GALNT17: variants seen among roughly 807,000 people sequenced by gnomAD.
GALNT17 encodes UDP-GalNAc:polypeptide N-acetylgalactosaminyltransferase-like 3.
GALNT17 carries 29 observed loss-of-function variants against 63.7 expected under a neutral mutation model. The ratio of observed to expected loss-of-function variants is 0.46; its 90% CI spans 0.34 to 0.62. The LOEUF is 0.62. GALNT17 is among the 20% of genes least tolerant of loss of function. The pLI, the probability that GALNT17 is intolerant of heterozygous loss-of-function variation, is 0.01. For missense variants in GALNT17, 603 were observed against 799.6 expected, an observed-to-expected ratio of 0.75 and a Z score of 2.97; for synonymous variants, 305 against 318.3, an observed-to-expected ratio of 0.96 and a Z score of 0.45.
intron 5 of GALNT17, among the ~76,000 whole-genome samples, chr7:71,477,368 C>T (rs1178158656): frequency 6.6e-6 from 1 of 152,154 alleles, no homozygotes; most frequent in Non-Finnish European, 1.5e-5. Flanking sequence ...TCACCGTTAG[C>T]TGTGAGAGTG....
chr7:71,174,883 C>T (rs936711229), intron 1 of GALNT17, among the ~76,000 whole-genome samples: 2 of 152,118 alleles, frequency 1.3e-5, no homozygotes, highest in African/African-American at 4.8e-5. Context: ...GACATTGTGT[C>T]TTGCTTAGGA....
At chr7:71,496,522 CA>C (rs1788096393) in intron 5 of GALNT17, among the ~76,000 whole-genome samples, 1 of 152,180 alleles carries the variant, frequency 6.6e-6, no homozygotes, top group Admixed American at 6.5e-5. Context: ...AGACATCGTC[CA>C]GTGACATAGA....
chr7:71,228,565 A>G (rs1789724067), intron 1 of GALNT17, among the ~76,000 whole-genome samples: 1 of 152,230 alleles, frequency 6.6e-6, no homozygotes, highest in Non-Finnish European at 1.5e-5. Context: ...CAGAGGCTCT[A>G]GAAGAGAATC....
intron 1 of GALNT17, 43 bp downstream of exon 1, chr7:71,133,083 G>C: frequency 6.8e-7 from 1 of 1,466,846 alleles, no homozygotes; most frequent in Non-Finnish European, 9.0e-7. Flanking sequence ...ACGCGGGCGG[G>C]CCGGGCACAG....
intron 5 of GALNT17, among the ~76,000 whole-genome samples, chr7:71,506,696 T>C (rs185147144): frequency 2.4e-4 from 37 of 152,352 alleles, no homozygotes; most frequent in Admixed American, 9.8e-4. Context: ...GTAGTTAGCG[T>C]GTCTATCATC....
intron 5 of GALNT17, among the ~76,000 whole-genome samples, chr7:71,476,223 G>A (rs768437185): frequency 6.6e-6 from 1 of 152,216 alleles, no homozygotes. Context: ...AGAGGTTGGT[G>A]TTTTCACTGT....
intron 6 of GALNT17, among the ~76,000 whole-genome samples, chr7:71,649,179 C>T (rs1790721215): frequency 6.6e-6 from 1 of 152,186 alleles, no homozygotes; most frequent in Non-Finnish European, 1.5e-5. Flanking sequence ...TCAAGCTCTG[C>T]CGACAGTTGA....
In GALNT17 at chr7:71,421,795, A is replaced by T. The variant is rs896697655; in HGVS notation, c.962+690A>T. 8.5e-5 allele frequency among the ~76,000 whole-genome samples: 13 copies of T among 152,210 alleles called. No homozygotes were observed. The East Asian group carries it at 2.3e-3, about 27-fold the overall frequency. ...CGAAACCCCTTCTCTACTAAAATTT[A>T]AAAAATTAGATGGGCGTGGTGGCAG... On this transcript the variant is annotated intron_variant, in intron 5 of 10. Coordinates refer to ENST00000333538, the MANE Select transcript of GALNT17 (RefSeq NM_022479.3).
In GALNT17 at chr7:71,148,884, A is replaced by ATG. The variant is rs1242188439; in HGVS notation, c.238+15845_238+15846insGT. ...TTTATATATATATATATATATATAT[A>ATG]TATATATATGTATACCATAGTTAAC... On this transcript the variant is annotated intron_variant, in intron 1 of 10. Coordinates refer to ENST00000333538, the MANE Select transcript of GALNT17 (RefSeq NM_022479.3). 4.0e-4 allele frequency among the ~76,000 whole-genome samples: 57 copies of ATG among 143,616 alleles called. 2 individuals carry two copies. The South Asian group carries it at 0.011, about 29-fold the overall frequency. 94.2% of individuals were successfully genotyped at this position (143,616 alleles called of 152,430 possible).
intron 6 of GALNT17, among the ~76,000 whole-genome samples, chr7:71,612,326 A>G (rs1790137502): frequency 1.3e-5 from 2 of 152,194 alleles, no homozygotes. Context: ...CCCCATCTGA[A>G]GAATTGGGCA....
intron 5 of GALNT17, among the ~76,000 whole-genome samples, chr7:71,428,961 T>C (rs1786811267): frequency 6.6e-6 from 1 of 152,228 alleles, no homozygotes; most frequent in African/African-American, 2.4e-5. Context: ...TGGGGTTAGA[T>C]GGTAGGACTC....
At chr7:71,591,894 C>T (rs1050545769) in intron 6 of GALNT17, among the ~76,000 whole-genome samples, 18 of 152,182 alleles carry the variant, frequency 1.2e-4, no homozygotes, top group Admixed American at 5.2e-4. Context: ...AAGTCCTGAC[C>T]TCAGGTGATC....
chr7:71,540,219 T>C (rs1030506302), intron 5 of GALNT17, among the ~76,000 whole-genome samples: 1 of 146,194 alleles, frequency 6.8e-6, no homozygotes, highest in Admixed American at 7.0e-5. Context: ...TGGGTTCAAG[T>C]GACTCTCCCA....
At chr7:71,350,416 G>T (rs1304231515) in intron 2 of GALNT17, among the ~76,000 whole-genome samples, 1 of 152,018 alleles carries the variant, frequency 6.6e-6, no homozygotes, top group African/African-American at 2.4e-5. Context: ...TGAAGTAAAT[G>T]AACAGGTGCT....
At chr7:71,459,465 A>C (rs1287503579) in intron 5 of GALNT17, among the ~76,000 whole-genome samples, 1 of 152,328 alleles carries the variant, frequency 6.6e-6, no homozygotes. Context: ...CTGAGGACTA[A>C]GCTCTAATTT....
At chr7:71,220,359 C>T (rs982226165) in intron 1 of GALNT17, among the ~76,000 whole-genome samples, 2 of 152,162 alleles carry the variant, frequency 1.3e-5, no homozygotes, top group African/African-American at 4.8e-5. Flanking sequence ...ATCTTGGCAC[C>T]AACAACAGAA....
At chr7:71,548,285 T>G (rs1584041639) in intron 5 of GALNT17, among the ~76,000 whole-genome samples, 1 of 151,932 alleles carries the variant, frequency 6.6e-6, no homozygotes, top group Middle Eastern at 3.4e-3. Flanking sequence ...GCTTTGTTCA[T>G]CTCTTTGTTT....
At chr7:71,503,954 C>T (rs1041855912) in intron 5 of GALNT17, among the ~76,000 whole-genome samples, 4 of 151,910 alleles carry the variant, frequency 2.6e-5, no homozygotes, top group African/African-American at 4.8e-5. Flanking sequence ...AATGGCCAGG[C>T]GCGGTGGCTC....
At chr7:71,371,008 A>T (rs1792612040) in intron 2 of GALNT17, among the ~76,000 whole-genome samples, 1 of 152,226 alleles carries the variant, frequency 6.6e-6, no homozygotes, top group Non-Finnish European at 1.5e-5. Context: ...TTCAAGAATG[A>T]ATAATGTGAG....
Sources: gnomAD v4.1 joint callset for allele counts (sites outside exome capture counted in the v4.1 genomes callset) on GRCh38, gnomAD v4.1.1 for gene constraint, MANE v1.5 for transcripts, NCBI Gene and HGNC (gene_info 2026-07-23, HGNC 2026-07-21) for gene names.